ITGAV: variants seen among roughly 807,000 people sequenced by gnomAD.
ITGAV encodes the protein integrin subunit alpha V.
A neutral mutation model predicts 143.8 loss-of-function variants in ITGAV; 76 were observed. The ratio of observed to expected loss-of-function variants is 0.53; its 90% CI spans 0.44 to 0.64. ITGAV has a LOEUF of 0.64. Among genes scored for constraint, ITGAV ranks in the 30% least tolerant of loss-of-function variants. The pLI, the probability that ITGAV is intolerant of heterozygous loss-of-function variation, is 0.00. For missense variants in ITGAV, 1,193 were observed against 1,274.7 expected (o/e 0.94, Z 0.98); for synonymous variants, 453 against 446.7 (o/e 1.01, Z -0.18).
chr2:186,616,348 G>A lies in ITGAV; in HGVS notation c.317-5991G>A, dbSNP rs543084024. Among the ~76,000 whole-genome samples, 474 of 145,458 alleles carry A rather than the reference G, an allele frequency of 3.3e-3. 2 individuals carry two copies. Among genetic ancestry groups the A allele is most frequent in the African/African-American group, 0.011 (448 of 39,014 alleles). ...GGCTGGAGTGCAGTGGCACGATCTC[G>A]GCTCACTGCAAGCTCCGCCTCCCGG... is the stretch of plus-strand genomic sequence containing the variant. On this transcript the variant is annotated intron_variant, in intron 2 of 29. Transcript: ENST00000261023.
chr2:186,639,969 A>G (rs759775175), intron 10 of ITGAV, among the ~76,000 whole-genome samples: 14 of 152,214 alleles, frequency 9.2e-5, no homozygotes, highest in Admixed American at 7.8e-4. Flanking sequence ...TTAATACAGA[A>G]CACACCTTTC....
chr2:186,677,147 C>T (rs771150678), intron 29 of ITGAV, 50 bp from the exon 30 acceptor site: 15 of 1,512,820 alleles, frequency 9.9e-6, no homozygotes, highest in Non-Finnish European at 1.2e-5. Flanking sequence ...AAATACTTTT[C>T]GTATTCTACA....
In ITGAV at chr2:186,680,276, A is replaced by C. The variant is rs999753715; in HGVS notation, c.*2984A>C. ...AAATTTGAAAAATGATTGTAGGATC[A>C]AAAAAGGCAGATGAAATTACTTAAT... On this transcript the variant is annotated 3_prime_UTR_variant, in exon 30 of 30. Coordinates refer to ENST00000261023, the MANE Select transcript of ITGAV (RefSeq NM_002210.5). 1 of 152,402 alleles carries C rather than the reference A, an allele frequency of 6.6e-6. No homozygotes were observed. The highest frequency in any genetic ancestry group is 2.4e-5 in the African/African-American group (1 of 41,470). 9.4% of individuals were successfully genotyped at this position (152,402 alleles called of 1,614,324 possible).
intron 12 of ITGAV, among the ~76,000 whole-genome samples, chr2:186,645,536 G>C (rs1688231030): frequency 6.6e-6 from 1 of 152,144 alleles, no homozygotes; most frequent in African/African-American, 2.4e-5. Context: ...ATACCAGGTA[G>C]GGTTTAGAAC....
chr2:186,664,660 TA>T lies in ITGAV; in HGVS notation c.2073+24del, dbSNP rs531588381. On this transcript the variant is annotated intron_variant, in intron 20 of 29. Coordinates refer to ENST00000261023, the MANE Select transcript of ITGAV (RefSeq NM_002210.5). ...CAATGAAGTAAGCAGGCTGCCTCTT[TA>T]AAAATTGAAATGCACTCACGGATCT... is the stretch of plus-strand genomic sequence containing the variant. The T allele has an allele frequency of 3.8e-4, 612 of 1,613,884 alleles. 1 individual carries two copies. The African/African-American group carries it at 7.5e-3, about 20-fold the overall frequency.
At chr2:186,592,932 T>C (rs1318189368) in intron 1 of ITGAV, among the ~76,000 whole-genome samples, 3 of 152,162 alleles carry the variant, frequency 2.0e-5, no homozygotes, top group African/African-American at 7.2e-5. Flanking sequence ...TTTTCAGATT[T>C]AACAAAAATT....
chr2:186,598,938 A>G lies in ITGAV; in HGVS notation c.186-3083A>G, dbSNP rs1686823080. On this transcript the variant is annotated intron_variant, in intron 1 of 29. Transcript: ENST00000261023. ...ATTTTTAAGATAAGTGTCAGAAAGCAGGATTCTTTGTAACCCTGCAATTCG... is the reference window on the plus strand; with the variant it reads ...ATTTTTAAGATAAGTGTCAGAAAGCGGGATTCTTTGTAACCCTGCAATTCG... Among the ~76,000 whole-genome samples the G allele has an allele frequency of 2.6e-5, 4 of 152,306 alleles. No individual in the cohort carries two copies. The South Asian group carries it at 8.3e-4, about 32-fold the overall frequency.
At chr2:186,674,692 A>G (rs1448658809) in intron 26 of ITGAV, among the ~76,000 whole-genome samples, 1 of 151,462 alleles carries the variant, frequency 6.6e-6, no homozygotes, top group East Asian at 2.0e-4. Flanking sequence ...TTGTATTTTG[A>G]GTAGAGATGG....
At chr2:186,641,833 A>G (rs1185757493) in intron 12 of ITGAV, 3 of 501,254 alleles carry the variant, frequency 6.0e-6, no homozygotes, top group Non-Finnish European at 1.1e-5. Context: ...GAAGGTCAGA[A>G]TGATTACTTT....
intron 18 of ITGAV, among the ~76,000 whole-genome samples, chr2:186,661,739 G>A (rs1455111777): frequency 2.0e-5 from 3 of 151,834 alleles, no homozygotes; most frequent in Admixed American, 1.3e-4. Context: ...TGGGACTACA[G>A]GAACCCACCA....
intron 17 of ITGAV, among the ~76,000 whole-genome samples, chr2:186,656,817 G>T (rs941270437): frequency 6.6e-6 from 1 of 152,152 alleles, no homozygotes; most frequent in Non-Finnish European, 1.5e-5. Flanking sequence ...GGTGGTAATT[G>T]CAGACACCAG....
intron 2 of ITGAV, among the ~76,000 whole-genome samples, chr2:186,610,614 A>G (rs114824955): frequency 6.6e-6 from 1 of 152,328 alleles, no homozygotes; most frequent in Non-Finnish European, 1.5e-5. Context: ...GATTTTAAGC[A>G]AGGTCTGCAT....
At chr2:186,651,876 A>G in intron 14 of ITGAV, 106 bp from the exon 15 acceptor site, 1 of 604,442 alleles carries the variant, frequency 1.7e-6, no homozygotes, top group Admixed American at 3.1e-5. Context: ...CAATGCTTTT[A>G]GTAGACATGG....
intron 3 of ITGAV, among the ~76,000 whole-genome samples, chr2:186,624,185 A>G (rs1441063705): frequency 2.0e-5 from 3 of 152,108 alleles, no homozygotes; most frequent in African/African-American, 7.2e-5. Context: ...CTCTGCTTGT[A>G]TAAGTTGTCT....
intron 1 of ITGAV, among the ~76,000 whole-genome samples, chr2:186,593,813 T>A (rs892788989): frequency 4.6e-5 from 7 of 152,138 alleles, no homozygotes; most frequent in Admixed American, 3.9e-4. Context: ...AAGGGAAGGA[T>A]CCGAAGACAG....
intron 2 of ITGAV, among the ~76,000 whole-genome samples, chr2:186,614,494 A>C (rs554471116): frequency 2.9e-3 from 438 of 152,214 alleles, no homozygotes; most frequent in African/African-American, 0.01. Flanking sequence ...TTTCTGATAC[A>C]TATTTGCCAA....
chr2:186,620,718 A>T (rs1204256927), intron 2 of ITGAV, among the ~76,000 whole-genome samples: 1 of 152,220 alleles, frequency 6.6e-6, no homozygotes, highest in Non-Finnish European at 1.5e-5. Flanking sequence ...AGCTGTGATC[A>T]CACTACTGCC....
chr2:186,651,883 A>G (rs986557133), intron 14 of ITGAV, 99 bp from the exon 15 acceptor site: 7 of 625,414 alleles, frequency 1.1e-5, no homozygotes, highest in African/African-American at 9.4e-5. Flanking sequence ...TTTAGTAGAC[A>G]TGGTACTATA....
At position 186,625,550 on chromosome 2, in the gene ITGAV, T is replaced by C; in HGVS notation, c.486T>C (p.Asp162=). 6.2e-7 allele frequency: 1 copy of C among 1,613,840 alleles called. No individual in the cohort carries two copies. Among genetic ancestry groups the C allele is most frequent in the Non-Finnish European group, 8.5e-7 (1 of 1,179,876 alleles). The part of the protein sequence containing the change: ...REPVGTCFLQ[D]GTKTVEYAPC... Reference sequence around the variant, plus strand: ...CTGTTGGAACATGCTTTCTTCAAGATGGAACAAAGACTGTTGAGTATGCTC... The same window carrying C: ...CTGTTGGAACATGCTTTCTTCAAGACGGAACAAAGACTGTTGAGTATGCTC... Residue 162 remains aspartate (D), a synonymous_variant, in exon 4 of 30, where the codon GAT becomes GAC. Transcript: ENST00000261023.
Sources: gnomAD v4.1 joint callset for allele counts (sites outside exome capture counted in the v4.1 genomes callset) on GRCh38, gnomAD v4.1.1 for gene constraint, MANE v1.5 for transcripts, NCBI Gene and HGNC (gene_info 2026-07-23, HGNC 2026-07-21) for gene names.